SI: variants seen among roughly 807,000 people sequenced by gnomAD.
SI encodes the protein sucrase-isomaltase.
SI carries 235 observed loss-of-function variants against 253.3 expected under a neutral mutation model. The observed-to-expected ratio is 0.93, with a 90% CI of 0.83 to 1.03. The LOEUF (loss-of-function observed/expected upper bound fraction) is 1.03. Ranked by LOEUF, SI falls within the 50% of genes least tolerant of loss-of-function variation. SI has a pLI of 0.00. For synonymous variants in SI, 819 were observed against 712.0 expected (o/e 1.15, Z -2.39); for missense variants, 2,442 against 2,211.1 (o/e 1.10, Z -2.09).
chr3:165,067,588 AC>A (rs1714314437), intron 5 of SI, 97 bp from the exon 6 acceptor site: 4 of 1,085,766 alleles, frequency 3.7e-6, no homozygotes, highest in Non-Finnish European at 5.6e-6. Flanking sequence ...ATAAAAAATA[AC>A]GTGGTGATTA....
At chr3:165,070,355 T>C (rs1264864874) in intron 3 of SI, among the ~76,000 whole-genome samples, 7 of 144,196 alleles carry the variant, frequency 4.9e-5, no homozygotes, top group Non-Finnish European at 3.0e-5. Context: ...CATATATATA[T>C]ATATATATAT....
chr3:165,062,779 A>G (rs1714049647), intron 8 of SI, among the ~76,000 whole-genome samples: 1 of 152,072 alleles, frequency 6.6e-6, no homozygotes, highest in African/African-American at 2.4e-5. Flanking sequence ...TCTGGCGACC[A>G]AAAGATTTTT....
At chr3:165,011,005 TCA>T (rs966981469) in intron 34 of SI, among the ~76,000 whole-genome samples, 7 of 152,208 alleles carry the variant, frequency 4.6e-5, no homozygotes, top group South Asian at 2.1e-4. Context: ...CCCAAATTTT[TCA>T]CAGTTACCTA....
chr3:165,030,635 A>G, intron 25 of SI, 77 bp downstream of exon 25: 1 of 1,453,434 alleles, frequency 6.9e-7, no homozygotes, highest in Non-Finnish European at 9.6e-7. Context: ...GCAGATTTAA[A>G]ATTATAATAT....
intron 37 of SI, among the ~76,000 whole-genome samples, chr3:165,003,533 T>A (rs1718355429): frequency 6.6e-6 from 1 of 152,078 alleles, no homozygotes; most frequent in East Asian, 1.9e-4. Flanking sequence ...CATACATTCA[T>A]GTATTCTGAG....
At chr3:165,006,437 G>A (rs1485805784) in intron 37 of SI, among the ~76,000 whole-genome samples, 4 of 152,096 alleles carry the variant, frequency 2.6e-5, no homozygotes, top group Non-Finnish European at 5.9e-5. Context: ...AACAGATTTC[G>A]CCAAATGTTT....
Position 165,046,998 on chromosome 3 carries a change from A to G in SI, c.1730T>C (p.Val577Ala), listed in dbSNP as rs121912615. The G allele has an allele frequency of 1.2e-6, 2 of 1,605,600 alleles. No individual in the cohort carries two copies. The highest frequency in any genetic ancestry group is 1.7e-6 in the Non-Finnish European group (2 of 1,175,508). Residue 577 changes from valine to alanine, a missense_variant, in exon 16 of 48, where the codon GTT (valine) becomes GCT (alanine). Physicochemically the swap from Val to Ala is moderately conservative, Grantham distance 64. Transcript: ENST00000264382. ...AATGAAGCTTCTCTTATTAGGAAAA[A>G]CTTTTTGTACAGCTCTAAAAATAAA... ...AIATEQAVQK[V>A]FPNKRSFILT...
chr3:165,054,988 C>T (rs1375796846), intron 13 of SI, among the ~76,000 whole-genome samples: 1 of 151,908 alleles, frequency 6.6e-6, no homozygotes, highest in African/African-American at 2.4e-5. Context: ...AAAAGAAAAA[C>T]CTTGATTGGC....
intron 25 of SI, among the ~76,000 whole-genome samples, chr3:165,025,703 A>G (rs1386706115): frequency 6.6e-6 from 1 of 151,392 alleles, no homozygotes; most frequent in Non-Finnish European, 1.5e-5. Flanking sequence ...TAAACAAAAC[A>G]ATTATCAGCC....
chr3:165,069,616 T>C (rs1714431904), intron 3 of SI, among the ~76,000 whole-genome samples: 1 of 152,052 alleles, frequency 6.6e-6, no homozygotes, highest in Non-Finnish European at 1.5e-5. Context: ...TAAACCCACT[T>C]AAAATGTGTA....
intron 35 of SI, among the ~76,000 whole-genome samples, chr3:165,008,575 T>C (rs1201188337): frequency 6.6e-6 from 1 of 152,044 alleles, no homozygotes; most frequent in Non-Finnish European, 1.5e-5. Context: ...TCCCTTATGG[T>C]ATACCAATTG....
rs11452619 is a variant in SI, at chr3:165,030,877, CA to C, written c.2737-11del. On this transcript the variant is annotated splice_polypyrimidine_tract_variant and intron_variant, in intron 24 of 47. Coordinates refer to ENST00000264382, the MANE Select transcript of SI (RefSeq NM_001041.4). ...CTGCAATTAGGAGAACCTTTGAAGA[CA>C]AAAAAAAAAAAAGAAAAAAAGAAAA... The C allele has an allele frequency of 0.03, 35,540 of 1,170,760 alleles. 3 individuals are homozygous for C. The highest frequency in any genetic ancestry group is 0.069 in the South Asian group (3,431 of 49,474). The allele number at this position is 1,170,760 out of a possible 1,614,324, so 72.5% of individuals were successfully genotyped here.
chr3:165,061,854 A>T (rs1036329959), intron 9 of SI, among the ~76,000 whole-genome samples: 4 of 151,970 alleles, frequency 2.6e-5, no homozygotes, highest in Non-Finnish European at 4.4e-5. Context: ...CTGGAGATGT[A>T]AAGTTTCAGG....
intron 47 of SI, among the ~76,000 whole-genome samples, chr3:164,979,931 A>C (rs1717099956): frequency 6.6e-6 from 1 of 151,906 alleles, no homozygotes; most frequent in African/African-American, 2.4e-5. Flanking sequence ...GAGATAATCT[A>C]AAGTAGACTC....
rs187581408 is a variant in SI, at chr3:165,047,279, A to G, written c.1716-267T>C. Among the ~76,000 whole-genome samples the G allele has an allele frequency of 1.5e-4, 23 of 152,120 alleles. No homozygotes were observed. The East Asian group carries it at 4.3e-3, about 28-fold the overall frequency. On this transcript the variant is annotated intron_variant, in intron 15 of 47. Transcript: ENST00000264382. ...TGAGATCTGACGGTTTTAAAGAAAT[A>G]GGAGTTTCCCTGAACAAGCTCTCTC...
At chr3:165,018,926 C>T (rs1719172903) in intron 28 of SI, among the ~76,000 whole-genome samples, 1 of 151,584 alleles carries the variant, frequency 6.6e-6, no homozygotes, top group African/African-American at 2.4e-5. Context: ...TACAATAGTT[C>T]ACAGACTTAT....
intron 19 of SI, 81 bp downstream of exon 19, chr3:165,039,806 T>C: frequency 1.1e-6 from 1 of 943,870 alleles, no homozygotes; most frequent in Non-Finnish European, 1.8e-6. Context: ...GTAACATCTA[T>C]TATTCAGATG....
intron 13 of SI, among the ~76,000 whole-genome samples, chr3:165,052,832 G>A (rs1713500975): frequency 1.3e-5 from 2 of 152,014 alleles, no homozygotes; most frequent in South Asian, 4.2e-4. Flanking sequence ...ATTTTTATAA[G>A]ATTCACATGA....
intron 37 of SI, among the ~76,000 whole-genome samples, chr3:165,004,903 G>A (rs143147243): frequency 2.3e-4 from 35 of 152,236 alleles, no homozygotes; most frequent in African/African-American, 7.0e-4. Context: ...TGTCAAGGGA[G>A]CGACCTGGTG....
Sources: allele counts gnomAD v4.1 joint callset (sites outside exome capture counted in the v4.1 genomes callset), GRCh38; gene constraint gnomAD v4.1.1; transcripts MANE v1.5; gene names NCBI Gene and HGNC (gene_info 2026-07-23, HGNC 2026-07-21).